Variants in BNC2 observed in about 807,000 individuals in gnomAD.
The protein encoded by BNC2 is basonuclin zinc finger protein 2.
BNC2 carries 20 observed loss-of-function variants against 76.3 expected under a neutral mutation model. That is an observed-to-expected ratio of 0.26 (90% CI 0.18 to 0.38). The LOEUF is 0.38. Ranked by LOEUF, BNC2 falls within the 10% of genes least tolerant of loss-of-function variation. The probability of loss-of-function intolerance (pLI) is 1.00; values close to 1 mark genes in which losing one functional copy is unlikely to be tolerated. For missense variants in BNC2, 1,382 were observed against 1,399.8 expected (o/e 0.99, Z 0.20); for synonymous variants, 582 against 514.8 (o/e 1.13, Z -1.77).
chr9:16,609,923 T>C (rs1442264804), intron 3 of BNC2, among the ~76,000 whole-genome samples: 1 of 152,114 alleles, frequency 6.6e-6, no homozygotes, highest in Admixed American at 6.6e-5. Flanking sequence ...AAGAAACAGG[T>C]TTGGCTTTGT....
At chr9:16,657,075 G>C (rs1821951705) in intron 3 of BNC2, among the ~76,000 whole-genome samples, 2 of 152,142 alleles carry the variant, frequency 1.3e-5, no homozygotes, top group South Asian at 2.1e-4. Context: ...TTTTGAAGTG[G>C]ATCAACCGAG....
intron 1 of BNC2, among the ~76,000 whole-genome samples, chr9:16,799,622 A>C (rs971853262): frequency 1.9e-4 from 29 of 151,842 alleles, no homozygotes; most frequent in South Asian, 8.3e-4. Flanking sequence ...AAAATAGCCC[A>C]AAAAAAAATT....
At chr9:16,796,058 GC>G (rs1171307860) in intron 1 of BNC2, among the ~76,000 whole-genome samples, 1 of 152,080 alleles carries the variant, frequency 6.6e-6, no homozygotes, top group Non-Finnish European at 1.5e-5. Flanking sequence ...ATGGAGTGAA[GC>G]CCCAAACCCA....
At chr9:16,520,410 A>C (rs926124640) in intron 5 of BNC2, among the ~76,000 whole-genome samples, 7 of 152,232 alleles carry the variant, frequency 4.6e-5, no homozygotes, top group African/African-American at 7.2e-5. Flanking sequence ...TTAAGTACAA[A>C]ATCGAGAAGG....
intron 3 of BNC2, among the ~76,000 whole-genome samples, chr9:16,707,730 C>T (rs1478891774): frequency 6.6e-6 from 1 of 152,184 alleles, no homozygotes; most frequent in African/African-American, 2.4e-5. Flanking sequence ...CAACCTCCAC[C>T]TCCCAGGTTC....
chr9:16,597,786 A>G (rs1386570605), intron 3 of BNC2, among the ~76,000 whole-genome samples: 2 of 152,078 alleles, frequency 1.3e-5, no homozygotes, highest in African/African-American at 4.8e-5. Flanking sequence ...ATTTGTACAA[A>G]GCTAGTTGTG....
At chr9:16,726,461 T>A (rs1824320918) in intron 3 of BNC2, among the ~76,000 whole-genome samples, 1 of 151,236 alleles carries the variant, frequency 6.6e-6, no homozygotes, top group African/African-American at 2.4e-5. Flanking sequence ...TTGTAGTAGT[T>A]TATAGCCTGG....
At chr9:16,773,521 A>C (rs1259531813) in intron 1 of BNC2, among the ~76,000 whole-genome samples, 1 of 152,120 alleles carries the variant, frequency 6.6e-6, no homozygotes, top group Non-Finnish European at 1.5e-5. Context: ...AGAAAAAAAA[A>C]AAAAAAAGGT....
At chr9:16,509,949 T>G (rs779711825) in intron 5 of BNC2, among the ~76,000 whole-genome samples, 1 of 152,228 alleles carries the variant, frequency 6.6e-6, no homozygotes, top group Non-Finnish European at 1.5e-5. Context: ...AGTGCAAGTA[T>G]TTTTGAAGAT....
Position 16,552,197 on chromosome 9 carries a change from C to A in BNC2, c.669+333G>T, listed in dbSNP as rs531638265. Among the ~76,000 whole-genome samples the A allele has an allele frequency of 7.2e-5, 11 of 152,266 alleles. 1 individual carries two copies. In the South Asian group the frequency reaches 8.3e-4, roughly 12 times the overall value. ...ATCTCAGATTTTCACACACCCATTA[C>A]CCGCCTCAAAGAGCCCTCCTTTTTA... On this transcript the variant is annotated intron_variant, in intron 5 of 6. Coordinates refer to ENST00000380672, the MANE Select transcript of BNC2 (RefSeq NM_017637.6).
At chr9:16,654,045 C>T (rs1304767319) in intron 3 of BNC2, among the ~76,000 whole-genome samples, 1 of 152,104 alleles carries the variant, frequency 6.6e-6, no homozygotes, top group Non-Finnish European at 1.5e-5. Flanking sequence ...CACCTACAAG[C>T]GCAGTCTGCA....
chr9:16,788,672 G>A (rs552681136), intron 1 of BNC2, among the ~76,000 whole-genome samples: 3 of 151,824 alleles, frequency 2.0e-5, no homozygotes, highest in Admixed American at 6.6e-5. Context: ...GTAGGATAAA[G>A]AGAAAAGGGA....
chr9:16,537,505 C>A (rs946791229), intron 5 of BNC2, among the ~76,000 whole-genome samples: 1 of 151,886 alleles, frequency 6.6e-6, no homozygotes, highest in Non-Finnish European at 1.5e-5. Flanking sequence ...ATATATATAT[C>A]AAAAATGAAA....
intron 3 of BNC2, among the ~76,000 whole-genome samples, chr9:16,631,303 T>G (rs1821154109): frequency 6.6e-6 from 1 of 152,112 alleles, no homozygotes; most frequent in Non-Finnish European, 1.5e-5. Flanking sequence ...AAATAGCACT[T>G]AATTGCCAAA....
intron 3 of BNC2, among the ~76,000 whole-genome samples, chr9:16,677,552 G>A (rs1822685206): frequency 7.9e-6 from 1 of 126,120 alleles, no homozygotes; most frequent in Non-Finnish European, 1.6e-5. Context: ...CAGCCCGGGG[G>A]ACAAAGCTAG....
At chr9:16,446,330 C>A (rs1267478688) in intron 5 of BNC2, among the ~76,000 whole-genome samples, 1 of 152,038 alleles carries the variant, frequency 6.6e-6, no homozygotes, top group Non-Finnish European at 1.5e-5. Context: ...AATGCCTCTC[C>A]TTGGATTAAA....
At chr9:16,796,372 G>A (rs768433494) in intron 1 of BNC2, among the ~76,000 whole-genome samples, 1 of 152,166 alleles carries the variant, frequency 6.6e-6, no homozygotes, top group Non-Finnish European at 1.5e-5. Flanking sequence ...GCCCTGTGCT[G>A]ACAGGACTAG....
intron 1 of BNC2, among the ~76,000 whole-genome samples, chr9:16,790,411 T>C (rs993710264): frequency 1.6e-4 from 24 of 152,248 alleles, no homozygotes; most frequent in African/African-American, 5.8e-4. Context: ...AAATGAAAAG[T>C]ATATTTATTT....
At chr9:16,672,339 T>C (rs1389876664) in intron 3 of BNC2, among the ~76,000 whole-genome samples, 2 of 151,832 alleles carry the variant, frequency 1.3e-5, no homozygotes, top group African/African-American at 2.4e-5. Flanking sequence ...CTACTAAAAA[T>C]ACAAAAAATT....
Sources: gnomAD v4.1 joint callset for allele counts (sites outside exome capture counted in the v4.1 genomes callset) on GRCh38, gnomAD v4.1.1 for gene constraint, MANE v1.5 for transcripts, NCBI Gene and HGNC (gene_info 2026-07-23, HGNC 2026-07-21) for gene names.